The following TNFSF4 variants were observed in gnomAD, a reference collection of about 807,000 sequenced individuals.
TNFSF4 encodes tumor necrosis factor ligand superfamily member 4.
A neutral mutation model predicts 7.3 loss-of-function variants in TNFSF4; 4 were observed. That is an observed-to-expected ratio of 0.55 (90% CI 0.27 to 1.25). The LOEUF (loss-of-function observed/expected upper bound fraction) is 1.25. Ranked by LOEUF, TNFSF4 falls within the 50% of genes most tolerant of loss-of-function variation. The pLI is 0.12. For synonymous variants in TNFSF4, 76 were observed against 83.7 expected, an observed-to-expected ratio of 0.91 and a Z score of 0.50; for missense variants, 181 against 208.8, an observed-to-expected ratio of 0.87 and a Z score of 0.82.
the TNFSF4 span, chr1:173,175,263 C>G: frequency 1.4e-4 from 21 of 152,204 alleles, no homozygotes; most frequent in African/African-American, 5.1e-4. Flanking sequence ...AACTTGAACA[C>G]AAGCCTCCAT....
At chr1:173,264,292 T>C in the TNFSF4 span, among the ~76,000 whole-genome samples, 1 of 149,746 alleles carries the variant, frequency 6.7e-6, no homozygotes, top group East Asian at 2.0e-4. Flanking sequence ...GGACCACAGG[T>C]GCATGCCACC....
At chr1:173,278,958 T>G in the TNFSF4 span, among the ~76,000 whole-genome samples, 1 of 152,098 alleles carries the variant, frequency 6.6e-6, no homozygotes, top group East Asian at 1.9e-4. Context: ...AATCCAAACA[T>G]GTAAAATTTA....
chr1:173,346,553 A>G, the TNFSF4 span, among the ~76,000 whole-genome samples: 1 of 152,154 alleles, frequency 6.6e-6, no homozygotes, highest in Non-Finnish European at 1.5e-5. Context: ...TGGAGGGGGA[A>G]GAAAGTGATG....
At chr1:173,202,362 A>G (rs1233109347) in intron 1 of TNFSF4, among the ~76,000 whole-genome samples, 1 of 152,202 alleles carries the variant, frequency 6.6e-6, no homozygotes, top group South Asian at 2.1e-4. Context: ...ATCAAAACAT[A>G]TATCTAAACA....
At chr1:173,177,130 T>C in the TNFSF4 span, among the ~76,000 whole-genome samples, 1 of 152,152 alleles carries the variant, frequency 6.6e-6, no homozygotes, top group Non-Finnish European at 1.5e-5. Context: ...AAATAAAAGT[T>C]TTAAAAATGG....
the TNFSF4 span, among the ~76,000 whole-genome samples, chr1:173,307,738 CAT>C: frequency 6.6e-6 from 1 of 151,814 alleles, no homozygotes; most frequent in Admixed American, 6.6e-5. Flanking sequence ...ATAATAGGTA[CAT>C]ACACACACAC....
At chr1:173,232,501 C>T in the TNFSF4 span, among the ~76,000 whole-genome samples, 1 of 152,172 alleles carries the variant, frequency 6.6e-6, no homozygotes, top group African/African-American at 2.4e-5. Flanking sequence ...ATTTCCAACA[C>T]CATGTTGAAT....
At chr1:173,213,899 A>G in the TNFSF4 span, among the ~76,000 whole-genome samples, 1 of 152,128 alleles carries the variant, frequency 6.6e-6, no homozygotes, top group Admixed American at 6.5e-5. Context: ...ATTTAGAGAC[A>G]TTTTTGTTTA....
chr1:173,205,541 C>A, intron 1 of TNFSF4: 1 of 1,336,402 alleles, frequency 7.5e-7, no homozygotes, highest in Admixed American at 3.2e-5. Flanking sequence ...TTGAATGGAG[C>A]CATGTGTCCT....
chr1:173,224,806 G>A, the TNFSF4 span, among the ~76,000 whole-genome samples: 1 of 152,202 alleles, frequency 6.6e-6, no homozygotes, highest in Non-Finnish European at 1.5e-5. Context: ...ATGAGCAGAT[G>A]AAGAGAGAGC....
the TNFSF4 span, among the ~76,000 whole-genome samples, chr1:173,327,946 C>T: frequency 5.3e-5 from 8 of 152,100 alleles, no homozygotes; most frequent in Admixed American, 2.0e-4. Flanking sequence ...GTCAGTGTGG[C>T]GATTCCTCAG....
At chr1:173,403,644 C>T in the TNFSF4 span, among the ~76,000 whole-genome samples, 3 of 152,228 alleles carry the variant, frequency 2.0e-5, no homozygotes, top group Non-Finnish European at 4.4e-5. Flanking sequence ...TGGCTCACGC[C>T]TGTAATCCCA....
chr1:173,441,567 T>G, the TNFSF4 span, among the ~76,000 whole-genome samples: 1 of 152,170 alleles, frequency 6.6e-6, no homozygotes, highest in African/African-American at 2.4e-5. Context: ...GAGGTTGCAC[T>G]GAGCCAAGAT....
chr1:173,336,251 A>G, the TNFSF4 span, among the ~76,000 whole-genome samples: 1 of 152,208 alleles, frequency 6.6e-6, no homozygotes, highest in East Asian at 1.9e-4. Flanking sequence ...TACCACCATT[A>G]AAGATTTGAA....
the TNFSF4 span, among the ~76,000 whole-genome samples, chr1:173,239,602 T>A: frequency 6.6e-6 from 1 of 152,210 alleles, no homozygotes; most frequent in African/African-American, 2.4e-5. Flanking sequence ...ATGTCTGTGA[T>A]CAAGCAGCTT....
the TNFSF4 span, among the ~76,000 whole-genome samples, chr1:173,268,968 C>T: frequency 6.6e-6 from 1 of 152,006 alleles, no homozygotes; most frequent in Admixed American, 6.6e-5. Flanking sequence ...AATACATAAC[C>T]TCAAAAAATG....
the TNFSF4 span, among the ~76,000 whole-genome samples, chr1:173,319,153 T>C: frequency 6.6e-6 from 1 of 152,082 alleles, no homozygotes. Flanking sequence ...TCAAGCTTGG[T>C]GGGGTGAGGG....
At chr1:173,345,104 G>A in the TNFSF4 span, among the ~76,000 whole-genome samples, 3 of 152,152 alleles carry the variant, frequency 2.0e-5, no homozygotes, top group African/African-American at 4.8e-5. Flanking sequence ...ACTAGGCAGA[G>A]GTAATCTCCA....
chr1:173,394,589 C>G, the TNFSF4 span, among the ~76,000 whole-genome samples: 1 of 152,114 alleles, frequency 6.6e-6, no homozygotes, highest in African/African-American at 2.4e-5. Context: ...TTGGCATTGT[C>G]CAATCTATTG....
Sources: allele counts gnomAD v4.1 joint callset (sites outside exome capture counted in the v4.1 genomes callset), GRCh38; gene constraint gnomAD v4.1.1; transcripts MANE v1.5; gene names NCBI Gene and HGNC (gene_info 2026-07-23, HGNC 2026-07-21).